The following RSU1 variants were observed in gnomAD, a reference collection of about 807,000 sequenced individuals.
The protein encoded by RSU1 is rsu-1.
A neutral mutation model predicts 31.1 loss-of-function variants in RSU1; 26 were observed. That is an observed-to-expected ratio of 0.84 (90% CI 0.61 to 1.16). The LOEUF is 1.16. RSU1 is among the 50% of genes most tolerant of loss of function. The pLI, the probability that RSU1 is intolerant of heterozygous loss-of-function variation, is 0.00. For missense variants in RSU1, 320 were observed against 339.1 expected (o/e 0.94, Z 0.44); for synonymous variants, 164 against 136.3 (o/e 1.20, Z -1.41).
chr10:16,673,308 C>T (rs1454497239), intron 8 of RSU1, among the ~76,000 whole-genome samples: 4 of 152,208 alleles, frequency 2.6e-5, no homozygotes, highest in Admixed American at 2.0e-4. Flanking sequence ...CACACTTATT[C>T]TCAAAAGCAG....
At chr10:16,789,993 A>T (rs1837878646) in intron 2 of RSU1, among the ~76,000 whole-genome samples, 1 of 152,176 alleles carries the variant, frequency 6.6e-6, no homozygotes, top group Admixed American at 6.6e-5. Flanking sequence ...TGAACGTTGG[A>T]TCTGGCCAAA....
chr10:16,635,071 T>G (rs1039139312), intron 8 of RSU1, among the ~76,000 whole-genome samples: 5 of 152,196 alleles, frequency 3.3e-5, no homozygotes, highest in African/African-American at 1.2e-4. Context: ...CGTCCATAAA[T>G]GAATGTTCAC....
chr10:16,678,488 T>C (rs1383027353), intron 8 of RSU1, among the ~76,000 whole-genome samples: 1 of 152,170 alleles, frequency 6.6e-6, no homozygotes, highest in Non-Finnish European at 1.5e-5. Context: ...AAATTTTTAG[T>C]GTACCTGATC....
chr10:16,719,581 AT>A (rs1330211492), intron 7 of RSU1, among the ~76,000 whole-genome samples: 1 of 152,124 alleles, frequency 6.6e-6, no homozygotes, highest in African/African-American at 2.4e-5. Flanking sequence ...CCCAGAATCT[AT>A]TGGTTTGTTT....
intron 2 of RSU1, among the ~76,000 whole-genome samples, chr10:16,813,007 A>G (rs1203286186): frequency 6.6e-6 from 1 of 151,466 alleles, no homozygotes; most frequent in Non-Finnish European, 1.5e-5. Context: ...TTTAAGAGAC[A>G]AGGTCTTGTT....
rs772830932 is a variant in RSU1 at position 16,593,478 on chromosome 10, C to T, written c.750G>A (p.Met250Ile). Residue 250 changes from methionine to isoleucine, a missense_variant, in exon 9 of 9, where the codon ATG becomes ATA. Physicochemically the swap from Met to Ile is conservative, Grantham distance 10 (BLOSUM62 1). Coordinates refer to ENST00000345264, the MANE Select transcript of RSU1 (RefSeq NM_012425.4). ...TCTTCGGTGGTTCTGGGTTGGCCTG[C>T]ATGTGTCTGCCGTAGAGGCTGCAAA... ...ETYKYLYGRH[M>I]QANPEPPKKN... is the part of the protein sequence containing the mutation. 6.2e-7 allele frequency: 1 copy of T among 1,613,938 alleles called. No individual in the cohort carries two copies. The highest frequency in any genetic ancestry group is 8.5e-7 in the Non-Finnish European group (1 of 1,179,960).
At chr10:16,817,178 G>C (rs1201386511) in intron 1 of RSU1, 94 bp from the exon 2 acceptor site, 3 of 893,470 alleles carry the variant, frequency 3.4e-6, no homozygotes, top group Non-Finnish European at 5.5e-6. Context: ...GGCTTCCCCA[G>C]GGTTGGAGCG....
chr10:16,803,018 G>A lies in RSU1; in HGVS notation c.109+13955C>T, dbSNP rs556587299. On this transcript the variant is annotated intron_variant, in intron 2 of 8. Transcript: ENST00000345264. ...ACTTCTAGCCAAAATCAGATTGGACGTCCTTGTTAACGCAGTAAGGTAAGA... is the reference window on the plus strand; with the variant it reads ...ACTTCTAGCCAAAATCAGATTGGACATCCTTGTTAACGCAGTAAGGTAAGA... Among the ~76,000 whole-genome samples, 31 of 152,240 alleles carry A rather than the reference G, an allele frequency of 2.0e-4. No homozygotes were observed. In the South Asian group the frequency reaches 4.6e-3, roughly 22 times the overall value.
chr10:16,613,403 T>C (rs995309407), intron 8 of RSU1, among the ~76,000 whole-genome samples: 1 of 152,086 alleles, frequency 6.6e-6, no homozygotes, highest in African/African-American at 2.4e-5. Context: ...ACTGTGTGGG[T>C]TCATGCCAAG....
chr10:16,808,022 CAAAAAAAA>C, intron 2 of RSU1, among the ~76,000 whole-genome samples: 1 of 116,260 alleles, frequency 8.6e-6, no homozygotes, highest in East Asian at 2.5e-4. Flanking sequence ...GACTCTGTCT[CAAAAAAAA>C]AAAAAAAAAA....
At chr10:16,616,256 C>T (rs745355034) in intron 8 of RSU1, among the ~76,000 whole-genome samples, 24 of 151,140 alleles carry the variant, frequency 1.6e-4, no homozygotes, top group East Asian at 9.7e-4. Context: ...CTAGAAGAAA[C>T]GGATAAATTC....
chr10:16,675,789 C>G (rs538374479), intron 8 of RSU1, among the ~76,000 whole-genome samples: 2 of 152,218 alleles, frequency 1.3e-5, no homozygotes, highest in African/African-American at 2.4e-5. Context: ...ACTCAAATAG[C>G]TGGCAGACCT....
chr10:16,690,669 T>A (rs1279794113), intron 8 of RSU1, among the ~76,000 whole-genome samples: 1 of 152,150 alleles, frequency 6.6e-6, no homozygotes, highest in African/African-American at 2.4e-5. Flanking sequence ...AGATCATCCA[T>A]CCTCTCTGCC....
chr10:16,658,218 T>A (rs901877388), intron 8 of RSU1, among the ~76,000 whole-genome samples: 4 of 152,190 alleles, frequency 2.6e-5, no homozygotes, highest in Non-Finnish European at 5.9e-5. Flanking sequence ...CCATTTGCAA[T>A]AGAAATAAAA....
At chr10:16,793,398 TAGC>T (rs1837967214) in intron 2 of RSU1, among the ~76,000 whole-genome samples, 1 of 152,090 alleles carries the variant, frequency 6.6e-6, no homozygotes, top group African/African-American at 2.4e-5. Flanking sequence ...CTACACATAA[TAGC>T]AGCAAATTCA....
chr10:16,805,666 CA>C (rs35267148), intron 2 of RSU1, among the ~76,000 whole-genome samples: 7,618 of 78,582 alleles, frequency 0.097, 176 homozygotes, highest in Admixed American at 0.21. Context: ...GACTCCGTCT[CA>C]AAAAAAAAAA....
intron 8 of RSU1, among the ~76,000 whole-genome samples, chr10:16,638,779 C>T (rs888795471): frequency 9.9e-5 from 15 of 152,158 alleles, no homozygotes; most frequent in African/African-American, 3.6e-4. Context: ...CGGAGGAGGG[C>T]CGCGCTAGAC....
chr10:16,652,023 A>G (rs1346189264), intron 8 of RSU1, among the ~76,000 whole-genome samples: 2 of 152,202 alleles, frequency 1.3e-5, no homozygotes, highest in African/African-American at 2.4e-5. Context: ...GGGGGAGGAG[A>G]GAGCACATTT....
At chr10:16,746,626 G>A (rs1326805434) in intron 7 of RSU1, among the ~76,000 whole-genome samples, 1 of 148,598 alleles carries the variant, frequency 6.7e-6, no homozygotes, top group African/African-American at 2.5e-5. Flanking sequence ...ATAGAAAACT[G>A]CTAACAAACC....
Sources: gnomAD v4.1 joint callset for allele counts (sites outside exome capture counted in the v4.1 genomes callset) on GRCh38, gnomAD v4.1.1 for gene constraint, MANE v1.5 for transcripts, NCBI Gene and HGNC (gene_info 2026-07-23, HGNC 2026-07-21) for gene names.